The following TMTC2 variants were observed in gnomAD, a reference collection of about 807,000 sequenced individuals.
TMTC2 encodes transmembrane O-mannosyltransferase targeting cadherins 2.
A neutral mutation model predicts 82.4 loss-of-function variants in TMTC2; 43 were observed. The ratio of observed to expected loss-of-function variants is 0.52; its 90% CI spans 0.41 to 0.67. The LOEUF (loss-of-function observed/expected upper bound fraction) is 0.67. Among genes scored for constraint, TMTC2 ranks in the 30% least tolerant of loss-of-function variants. The probability of loss-of-function intolerance (pLI) is 0.00; values close to 1 mark genes in which losing one functional copy is unlikely to be tolerated. For missense variants in TMTC2, 919 were observed against 1,012.4 expected (o/e 0.91, Z 1.25); for synonymous variants, 408 against 381.9 (o/e 1.07, Z -0.80).
intron 8 of TMTC2, among the ~76,000 whole-genome samples, chr12:83,001,775 G>A (rs991290514): frequency 6.6e-6 from 1 of 151,958 alleles, no homozygotes; most frequent in Non-Finnish European, 1.5e-5. Context: ...CATAACAAGA[G>A]CCACCTTTGT....
chr12:83,016,409 A>G (rs1836247), intron 8 of TMTC2, among the ~76,000 whole-genome samples: 135,834 of 152,198 alleles, frequency 0.89, 60,633 homozygotes, highest in South Asian at 0.96. Context: ...TGACTCACTC[A>G]TGCAGAATAG....
intron 1 of TMTC2, among the ~76,000 whole-genome samples, chr12:82,719,026 G>C (rs1241706068): frequency 7.3e-6 from 1 of 136,684 alleles, no homozygotes; most frequent in Non-Finnish European, 1.5e-5. Flanking sequence ...CTAGTATATA[G>C]AGCTTAATAC....
intron 1 of TMTC2, among the ~76,000 whole-genome samples, chr12:82,836,464 G>T (rs1870046337): frequency 6.6e-6 from 1 of 152,158 alleles, no homozygotes; most frequent in African/African-American, 2.4e-5. Context: ...TGGTTGGAAT[G>T]ATGTAATCAA....
At chr12:82,715,744 G>A (rs1873865828) in intron 1 of TMTC2, among the ~76,000 whole-genome samples, 1 of 152,108 alleles carries the variant, frequency 6.6e-6, no homozygotes, top group South Asian at 2.1e-4. Context: ...GGTAGGGATG[G>A]GGTAGGGATA....
At chr12:82,788,609 C>G (rs568753862) in intron 1 of TMTC2, among the ~76,000 whole-genome samples, 176 of 152,120 alleles carry the variant, frequency 1.2e-3, no homozygotes, top group Non-Finnish European at 2.3e-3. Flanking sequence ...TAAGAAAAAA[C>G]TTACTACCTT....
intron 11 of TMTC2, among the ~76,000 whole-genome samples, chr12:83,110,747 T>C (rs1884572645): frequency 6.6e-6 from 1 of 152,218 alleles, no homozygotes; most frequent in Non-Finnish European, 1.5e-5. Context: ...CTGGTTCTTC[T>C]CCATCAATCC....
chr12:83,094,250 G>C (rs1883946913), intron 11 of TMTC2, among the ~76,000 whole-genome samples: 4 of 152,214 alleles, frequency 2.6e-5, no homozygotes. Context: ...AGATGTCCTA[G>C]GAGAGGAGAA....
Position 82,981,650 on chromosome 12 carries a change from C to A in TMTC2, c.1949-4275C>A, listed in dbSNP as rs567580079. Reference sequence around the variant, plus strand: ...TTTCTTTCCTCCTGGGCACCATAAACGTTTTTTTCTATTATTGTAAGTTAA... The same window carrying A: ...TTTCTTTCCTCCTGGGCACCATAAAAGTTTTTTTCTATTATTGTAAGTTAA... On this transcript the variant is annotated intron_variant, in intron 7 of 11. Transcript: ENST00000321196. Among the ~76,000 whole-genome samples, 6 of 151,924 alleles carry A rather than the reference C, an allele frequency of 3.9e-5. No homozygotes were observed. The South Asian group carries it at 1.2e-3, about 31-fold the overall frequency.
At chr12:82,780,264 A>G (rs2137007603) in intron 1 of TMTC2, among the ~76,000 whole-genome samples, 1 of 152,316 alleles carries the variant, frequency 6.6e-6, no homozygotes. Flanking sequence ...TTTCCTTATG[A>G]AATGAGGTTA....
At chr12:82,887,030 T>A (rs1873137354) in intron 2 of TMTC2, among the ~76,000 whole-genome samples, 1 of 152,194 alleles carries the variant, frequency 6.6e-6, no homozygotes, top group Non-Finnish European at 1.5e-5. Context: ...TGGATAGCCT[T>A]TTCTCTGTCT....
intron 1 of TMTC2, among the ~76,000 whole-genome samples, chr12:82,737,089 C>T (rs1008028676): frequency 1.3e-5 from 2 of 152,118 alleles, no homozygotes; most frequent in African/African-American, 4.8e-5. Flanking sequence ...AATGATACTT[C>T]CATTTAGAAA....
intron 1 of TMTC2, among the ~76,000 whole-genome samples, chr12:82,829,293 A>G (rs192086750): frequency 3.3e-5 from 5 of 152,326 alleles, no homozygotes; most frequent in African/African-American, 1.2e-4. Context: ...ACACTGTAGA[A>G]ACACAGAGTA....
At chr12:82,876,105 G>T (rs1324542147) in intron 2 of TMTC2, among the ~76,000 whole-genome samples, 1 of 144,652 alleles carries the variant, frequency 6.9e-6, no homozygotes, top group Non-Finnish European at 1.6e-5. Flanking sequence ...TAATGGTGGT[G>T]GTGGTGGTGG....
chr12:83,043,530 T>C (rs1336767026), intron 9 of TMTC2, among the ~76,000 whole-genome samples: 2 of 152,246 alleles, frequency 1.3e-5, no homozygotes, highest in Non-Finnish European at 2.9e-5. Context: ...GGCAATGTTC[T>C]GTTTCATGAT....
At position 82,852,101 on chromosome 12, in the gene TMTC2, C is replaced by CT. The variant is rs11301265; in HGVS notation, c.84-4892dup. On this transcript the variant is annotated intron_variant, in intron 1 of 11. Coordinates refer to ENST00000321196, the MANE Select transcript of TMTC2 (RefSeq NM_152588.3). ...CTTCCTTGAAGACTTCAGAAACTAT[C>CT]TTTTTTTTTTTTTTTTTGGAGATGG... 1.8e-3 allele frequency among the ~76,000 whole-genome samples: 246 copies of CT among 137,124 alleles called. 2 individuals carry two copies. Among genetic ancestry groups the CT allele is most frequent in the Middle Eastern group, 7.4e-3 (2 of 270 alleles). The allele number at this position is 137,124 out of a possible 152,430, so 90.0% of individuals were successfully genotyped here. A position where few individuals can be genotyped will look rare whatever the true frequency, so the allele number is the denominator to read the frequency against.
intron 1 of TMTC2, among the ~76,000 whole-genome samples, chr12:82,838,624 G>T (rs1025078268): frequency 2.0e-5 from 3 of 152,146 alleles, no homozygotes; most frequent in African/African-American, 7.2e-5. Context: ...GAACCCCCTG[G>T]TCTTTTACAT....
chr12:82,723,598 C>G (rs1874309574), intron 1 of TMTC2, among the ~76,000 whole-genome samples: 1 of 152,142 alleles, frequency 6.6e-6, no homozygotes, highest in South Asian at 2.1e-4. Context: ...CTTGGGAATG[C>G]TGAATAAACT....
intron 4 of TMTC2, among the ~76,000 whole-genome samples, chr12:82,944,533 C>A (rs1168788810): frequency 7.0e-6 from 1 of 143,468 alleles, no homozygotes; most frequent in African/African-American, 2.6e-5. Flanking sequence ...GCCGAGATTG[C>A]ACCACTGCAC....
intron 4 of TMTC2, among the ~76,000 whole-genome samples, chr12:82,958,354 C>CAAAAAAAAAAAAAAAA (rs750819932): frequency 1.5e-4 from 3 of 19,954 alleles, no homozygotes; most frequent in African/African-American, 2.4e-4. Flanking sequence ...GAGTCTGTCT[C>CAAAAAAAAAAAAAAAA]AAAAAAAAAA....
Sources: gnomAD v4.1 joint callset for allele counts (sites outside exome capture counted in the v4.1 genomes callset) on GRCh38, gnomAD v4.1.1 for gene constraint, MANE v1.5 for transcripts, NCBI Gene and HGNC (gene_info 2026-07-23, HGNC 2026-07-21) for gene names.